TNIP3: variants seen among roughly 807,000 people sequenced by gnomAD.
TNIP3 encodes TNFAIP3 interacting protein 3, also known as TNFAIP3-interacting protein 3.
Under a neutral mutation model 54.1 loss-of-function variants are expected in TNIP3, and 34 were observed. The observed-to-expected ratio is 0.63, with a 90% CI of 0.48 to 0.84. TNIP3 has a LOEUF of 0.84. TNIP3 is among the 40% of genes least tolerant of loss of function. The pLI is 0.00. For synonymous variants in TNIP3, 134 were observed against 136.8 expected (o/e 0.98, Z 0.14); for missense variants, 366 against 387.6 (o/e 0.94, Z 0.47).
chr4:121,180,244 C>A (rs1481513055), intron 3 of TNIP3, among the ~76,000 whole-genome samples: 1 of 151,896 alleles, frequency 6.6e-6, no homozygotes, highest in Non-Finnish European at 1.5e-5. Context: ...ACTAAAAATA[C>A]AAAAAATTAG....
chr4:121,186,260 G>A (rs1214606310), intron 2 of TNIP3, among the ~76,000 whole-genome samples: 1 of 152,124 alleles, frequency 6.6e-6, no homozygotes, highest in African/African-American at 2.4e-5. Flanking sequence ...GGAGAGAGTG[G>A]GCGTCAGTGT....
At chr4:121,175,498 C>A (rs573406274) in intron 3 of TNIP3, among the ~76,000 whole-genome samples, 1 of 152,310 alleles carries the variant, frequency 6.6e-6, no homozygotes, top group South Asian at 2.1e-4. Context: ...CCCATTGACC[C>A]AAATTGGAGC....
At chr4:121,205,387 C>G (rs757705207) in intron 2 of TNIP3, among the ~76,000 whole-genome samples, 7 of 151,952 alleles carry the variant, frequency 4.6e-5, no homozygotes, top group Non-Finnish European at 1.0e-4. Flanking sequence ...GGGATTGTAG[C>G]AGATTAAACC....
At chr4:121,203,976 T>C (rs1726043102) in intron 2 of TNIP3, among the ~76,000 whole-genome samples, 1 of 149,010 alleles carries the variant, frequency 6.7e-6, no homozygotes, top group South Asian at 2.1e-4. Context: ...TTAAATTAAA[T>C]ATTTAATATT....
chr4:121,184,529 A>C (rs1294715352), intron 2 of TNIP3, among the ~76,000 whole-genome samples: 1 of 152,222 alleles, frequency 6.6e-6, no homozygotes, highest in East Asian at 1.9e-4. Flanking sequence ...CGGAGCTGAG[A>C]GATGGAGAGA....
intron 5 of TNIP3, among the ~76,000 whole-genome samples, chr4:121,152,182 T>G (rs771473122): frequency 1.3e-4 from 20 of 152,198 alleles, no homozygotes; most frequent in Admixed American, 3.3e-4. Context: ...ACATAGAGGG[T>G]AGGCCCTGGA....
At chr4:121,226,049 A>C (rs529618311) in intron 1 of TNIP3, among the ~76,000 whole-genome samples, 29 of 152,154 alleles carry the variant, frequency 1.9e-4, no homozygotes, top group Non-Finnish European at 3.1e-4. Context: ...AGAGAATTGT[A>C]CTGGAAGCCA....
At chr4:121,171,402 A>G (rs1231559582) in intron 3 of TNIP3, among the ~76,000 whole-genome samples, 1 of 152,190 alleles carries the variant, frequency 6.6e-6, no homozygotes, top group Non-Finnish European at 1.5e-5. Flanking sequence ...GTAGAGTAAA[A>G]TGTTCATGTT....
At chr4:121,205,377 G>C (rs969319731) in intron 2 of TNIP3, among the ~76,000 whole-genome samples, 1 of 152,082 alleles carries the variant, frequency 6.6e-6, no homozygotes, top group Non-Finnish European at 1.5e-5. Context: ...AGTAAGAAGG[G>C]GGATTGTAGC....
Position 121,164,297 on chromosome 4 carries a change from A to G in TNIP3, c.-172T>C. On this transcript the variant is annotated 5_prime_UTR_variant, in exon 1 of 11. Transcript: ENST00000057513. ...TTTTCATTAAAAATGAACAGAAGTG[A>G]CTGTGGATAGGAATTACACAGAATA... 7.0e-7 allele frequency: 1 copy of G among 1,429,578 alleles called. No individual in the cohort carries two copies. The highest frequency in any genetic ancestry group is 1.4e-5 in the African/African-American group (1 of 69,628). The allele number at this position is 1,429,578 out of a possible 1,614,324, so 88.6% of individuals were successfully genotyped here.
At chr4:121,138,498 T>C in intron 10 of TNIP3, 126 bp downstream of exon 10, 2 of 844,272 alleles carry the variant, frequency 2.4e-6, no homozygotes, top group Non-Finnish European at 1.9e-6. Context: ...ATTAAAGTTA[T>C]GTATGTAACA....
chr4:121,178,732 T>C (rs1289234844), intron 3 of TNIP3, among the ~76,000 whole-genome samples: 1 of 152,238 alleles, frequency 6.6e-6, no homozygotes, highest in East Asian at 1.9e-4. Context: ...AGGGGAATTA[T>C]AGGGATAAAT....
chr4:121,141,960 A>G, intron 8 of TNIP3, 46 bp from the exon 9 acceptor site: 1 of 1,342,136 alleles, frequency 7.5e-7, no homozygotes, highest in Non-Finnish European at 1.0e-6. Flanking sequence ...GGAGAGACTG[A>G]GGAGTTGCAG....
chr4:121,134,452 T>C (rs1728661321), intron 10 of TNIP3, among the ~76,000 whole-genome samples: 1 of 152,214 alleles, frequency 6.6e-6, no homozygotes, highest in African/African-American at 2.4e-5. Context: ...AAGATGAAAA[T>C]GTTCTTTGTA....
At position 121,141,803 on chromosome 4, in the gene TNIP3, C is replaced by T. The variant is rs1729132887; in HGVS notation, c.885+13G>A. 2 of 1,500,602 alleles carry T rather than the reference C, an allele frequency of 1.3e-6. No homozygotes were observed. Among genetic ancestry groups the T allele is most frequent in the Non-Finnish European group, 1.8e-6 (2 of 1,119,894 alleles). 93.0% of individuals were successfully genotyped at this position (1,500,602 alleles called of 1,614,324 possible). On this transcript the variant is annotated intron_variant, in intron 9 of 10. Coordinates refer to ENST00000057513, the MANE Select transcript of TNIP3 (RefSeq NM_024873.6). ...AGTATACTAAGCACTTTTTCAAATG[C>T]ACTCTTACTTACTGGGTGCTCCCGT...
chr4:121,157,458 C>T (rs766856276), intron 3 of TNIP3, among the ~76,000 whole-genome samples: 21 of 152,084 alleles, frequency 1.4e-4, no homozygotes, highest in Admixed American at 3.9e-4. Context: ...TTTCTCCAAA[C>T]CACCCAGCTC....
chr4:121,222,073 A>G (rs1216911316), intron 1 of TNIP3, among the ~76,000 whole-genome samples: 2 of 152,226 alleles, frequency 1.3e-5, no homozygotes, highest in Non-Finnish European at 2.9e-5. Context: ...TGTACATTAT[A>G]GTAGCTAAGA....
At chr4:121,212,283 A>G (rs1726515951) in intron 2 of TNIP3, among the ~76,000 whole-genome samples, 1 of 152,326 alleles carries the variant, frequency 6.6e-6, no homozygotes, top group South Asian at 2.1e-4. Context: ...AATGTGCTTT[A>G]CAGAGCCTGG....
intron 2 of TNIP3, among the ~76,000 whole-genome samples, chr4:121,160,580 A>G (rs1415962571): frequency 2.6e-5 from 4 of 152,228 alleles, no homozygotes; most frequent in Non-Finnish European, 2.9e-5. Context: ...AGGTTCTAAC[A>G]TTCATTAAGC....
Sources: allele counts gnomAD v4.1 joint callset (sites outside exome capture counted in the v4.1 genomes callset), GRCh38; gene constraint gnomAD v4.1.1; transcripts MANE v1.5; gene names NCBI Gene and HGNC (gene_info 2026-07-23, HGNC 2026-07-21).